Variants in CCP110 observed in about 807,000 individuals in gnomAD.
CCP110 encodes the protein centriolar coiled-coil protein 110, also known as centriolar coiled-coil protein of 110 kDa.
In CCP110, 43 loss-of-function variants were observed where a neutral mutation model predicts 105.5. That is an observed-to-expected ratio of 0.41 (90% CI 0.32 to 0.53). CCP110 has a LOEUF of 0.53. Ranked by LOEUF, CCP110 falls within the 20% of genes least tolerant of loss-of-function variation. The pLI, the probability that CCP110 is intolerant of heterozygous loss-of-function variation, is 0.32. For missense variants in CCP110, 1,016 were observed against 1,189.1 expected (o/e 0.85, Z 2.14); for synonymous variants, 353 against 392.1 (o/e 0.90, Z 1.18).
chr16:19,541,388 T>A (rs1232768026), intron 5 of CCP110, among the ~76,000 whole-genome samples: 1 of 152,190 alleles, frequency 6.6e-6, no homozygotes, highest in Non-Finnish European at 1.5e-5. Flanking sequence ...ATCCCAGCAC[T>A]TTGGGAGGCC....
intron 10 of CCP110, 44 bp from the exon 11 acceptor site, chr16:19,545,773 T>C: frequency 1.0e-6 from 1 of 971,438 alleles, no homozygotes; most frequent in Non-Finnish European, 1.7e-6. Context: ...ATAGTGGTAT[T>C]AATTGGTTCC....
intron 1 of CCP110, chr16:19,526,626 AG>A (rs1185290772): frequency 1.3e-5 from 2 of 152,224 alleles, no homozygotes; most frequent in African/African-American, 4.8e-5. Context: ...TAAACTATTT[AG>A]AAAAAATAGC....
In CCP110 at chr16:19,537,589, TA is replaced by T; in HGVS notation, c.1918+4del. 1 of 1,516,580 alleles carries T rather than the reference TA, an allele frequency of 6.6e-7. No individual in the cohort carries two copies. Among genetic ancestry groups the T allele is most frequent in the Admixed American group, 2.2e-5 (1 of 46,146 alleles). 93.9% of individuals were successfully genotyped at this position (1,516,580 alleles called of 1,614,324 possible). A position where few individuals can be genotyped will look rare whatever the true frequency, so the allele number is the denominator to read the frequency against. On this transcript the variant is annotated splice_donor_region_variant and intron_variant, in intron 4 of 14. Coordinates refer to ENST00000381396, the Ensembl canonical transcript of CCP110. ...AAATGTTAGGAACTAGTTCCAAAGGTAAGGAATCTTTGAAGCGTTTGATACC... is the reference window on the plus strand; with the variant it reads ...AAATGTTAGGAACTAGTTCCAAAGGTAGGAATCTTTGAAGCGTTTGATACC...
intron 1 of CCP110, chr16:19,525,792 T>C (rs550365955): frequency 2.6e-5 from 4 of 152,656 alleles, no homozygotes; most frequent in South Asian, 2.1e-4. Flanking sequence ...CCTGTACTTA[T>C]GGCGCTTACA....
chr16:19,540,868 C>T lies in CCP110; in HGVS notation c.2049+81C>T, dbSNP rs993378780. 9.2e-6 allele frequency: 12 copies of T among 1,303,398 alleles called. No homozygotes were observed. The African/African-American group carries it at 1.0e-4, about 11-fold the overall frequency. The allele number at this position is 1,303,398 out of a possible 1,614,324, so 80.7% of individuals were successfully genotyped here. ...ATGAATTTTGGTCATGTATAGAATA[C>T]GTGTAATTTTTGCCTCCATATATCT... On this transcript the variant is annotated intron_variant, in intron 5 of 14. Transcript: ENST00000381396.
chr16:19,541,712 G>A (rs1330976577), intron 5 of CCP110, among the ~76,000 whole-genome samples, 175 bp from the exon 6 acceptor site: 10 of 149,846 alleles, frequency 6.7e-5, no homozygotes, highest in Non-Finnish European at 1.3e-4. Context: ...AAGAAAAGAG[G>A]GAGGGAGGGA....
chr16:19,545,248 G>C (rs1208092074), intron 10 of CCP110, 38 bp downstream of exon 10: 6 of 1,213,942 alleles, frequency 4.9e-6, no homozygotes, highest in Admixed American at 3.7e-5. Flanking sequence ...AGTTCTTCTG[G>C]GTTTAGGGTA....
chr16:19,538,027 G>A (rs978177954), intron 4 of CCP110, among the ~76,000 whole-genome samples: 1 of 152,168 alleles, frequency 6.6e-6, no homozygotes, highest in African/African-American at 2.4e-5. Flanking sequence ...GCCTCCCAAA[G>A]CTGTGGGATT....
At chr16:19,532,885 A>G (rs1478875197) in intron 3 of CCP110, among the ~76,000 whole-genome samples, 2 of 152,222 alleles carry the variant, frequency 1.3e-5, no homozygotes, top group African/African-American at 4.8e-5. Context: ...TAATTAGACT[A>G]TTGACTAAAT....
At chr16:19,542,693 C>T (rs1465625610) in exon 7 of CCP110, 2 of 1,612,992 alleles carry the variant, frequency 1.2e-6, no homozygotes, top group Non-Finnish European at 1.7e-6. Context: ...TGGGGATCAT[C>T]AACTAGTGGC....
rs1309675712 is a variant in CCP110, at chr16:19,537,475, T to C, written c.1806T>C (p.Tyr602=). 7.4e-6 allele frequency: 12 copies of C among 1,612,314 alleles called. No homozygotes were observed. The East Asian group carries it at 1.8e-4, about 24-fold the overall frequency. Residue 602 remains tyrosine, a synonymous_variant, in exon 4 of 15, where the codon TAT becomes TAC. Coordinates refer to ENST00000381396, the Ensembl canonical transcript of CCP110. ...GTTTGCAAAAAGAAAACTGCCCTTA[T>C]GTCATAACAAGTGGAATAACTGAAC... is the stretch of plus-strand genomic sequence containing the variant.
chr16:19,530,666 G>C (rs1473805013), intron 2 of CCP110, among the ~76,000 whole-genome samples: 1 of 150,160 alleles, frequency 6.7e-6, no homozygotes, highest in Admixed American at 6.6e-5. Flanking sequence ...CTGGGCAACA[G>C]AGTGAGACCC....
exon 4 of CCP110, chr16:19,537,577 T>G: frequency 6.4e-7 from 1 of 1,556,944 alleles, no homozygotes; most frequent in Non-Finnish European, 8.7e-7. Context: ...TGTTAGGAAC[T>G]AGTTCCAAAG....
chr16:19,536,615 G>GT lies in CCP110; in HGVS notation c.950dup (p.Leu317PhefsTer3). 3 of 1,614,136 alleles carry GT rather than the reference G, an allele frequency of 1.9e-6. No homozygotes were observed. Among genetic ancestry groups the GT allele is most frequent in the Non-Finnish European group, 2.5e-6 (3 of 1,180,028 alleles). On this transcript the variant is annotated frameshift_variant, in exon 4 of 15. Coordinates refer to ENST00000381396, the Ensembl canonical transcript of CCP110. LOFTEE classifies it high-confidence loss of function. ...TCAAGCAAGCAGCATGAGTATGCCA[G>GT]TTTTAGCTAGCTTTTCGAAAGTGGA...
intron 4 of CCP110, among the ~76,000 whole-genome samples, chr16:19,538,570 A>G (rs939215613): frequency 6.6e-6 from 1 of 151,722 alleles, no homozygotes; most frequent in Admixed American, 6.6e-5. Context: ...TCAGCCTCCC[A>G]AAGTGCTGGA....
exon 4 of CCP110, chr16:19,536,797 C>T: frequency 6.2e-7 from 1 of 1,614,082 alleles, no homozygotes; most frequent in South Asian, 1.1e-5. Flanking sequence ...CTAAAATGCA[C>T]CGAAGACGTT....
chr16:19,530,564 T>C (rs536932109), intron 2 of CCP110, among the ~76,000 whole-genome samples: 1 of 151,872 alleles, frequency 6.6e-6, no homozygotes, highest in South Asian at 2.1e-4. Flanking sequence ...GAGGATCCCT[T>C]GAACCCAGGA....
At chr16:19,528,194 A>G (rs1324058557) in intron 2 of CCP110, among the ~76,000 whole-genome samples, 172 bp downstream of exon 2, 1 of 152,244 alleles carries the variant, frequency 6.6e-6, no homozygotes, top group Non-Finnish European at 1.5e-5. Context: ...GCCAAGACCT[A>G]ATAGAACTTT....
intron 1 of CCP110, among the ~76,000 whole-genome samples, 161 bp downstream of exon 1, chr16:19,524,249 CG>C (rs965878651): frequency 1.1e-4 from 16 of 152,248 alleles, no homozygotes; most frequent in African/African-American, 3.9e-4. Flanking sequence ...GGCGGGACCC[CG>C]GGGGCAGCCA....
Sources: gnomAD v4.1 joint callset for allele counts (sites outside exome capture counted in the v4.1 genomes callset) on GRCh38, gnomAD v4.1.1 for gene constraint, MANE v1.5 for transcripts, NCBI Gene and HGNC (gene_info 2026-07-23, HGNC 2026-07-21) for gene names.